Variants in EBF1 observed in about 807,000 individuals in gnomAD.
EBF1 encodes transcription factor COE1.
EBF1 carries 10 observed loss-of-function variants against 68.4 expected under a neutral mutation model. The ratio of observed to expected loss-of-function variants is 0.15; its 90% confidence interval spans 0.09 to 0.25. The LOEUF (loss-of-function observed/expected upper bound fraction) is 0.25, where lower values mean the gene tolerates loss of function less well. Among genes scored for constraint, EBF1 ranks in the 10% least tolerant of loss-of-function variants. EBF1 has a pLI of 1.00. For synonymous variants in EBF1, 298 were observed against 299.8 expected (o/e 0.99, Z 0.06); for missense variants, 509 against 794.4 (o/e 0.64, Z 4.32).
At chr5:158,761,695 G>C (rs1166781052) in intron 10 of EBF1, among the ~76,000 whole-genome samples, 1 of 152,160 alleles carries the variant, frequency 6.6e-6, no homozygotes, top group Non-Finnish European at 1.5e-5. Flanking sequence ...TTAAGCTAGA[G>C]ATTTCATTAA....
intron 6 of EBF1, among the ~76,000 whole-genome samples, chr5:159,053,607 A>T (rs7705707): frequency 0.36 from 50,759 of 139,364 alleles, 8,581 homozygotes; most frequent in Non-Finnish European, 0.41. Context: ...TCTCTCTCTC[A>T]CACACACACA....
intron 6 of EBF1, among the ~76,000 whole-genome samples, chr5:159,051,439 C>G (rs990453081): frequency 7.4e-6 from 1 of 134,780 alleles, no homozygotes; most frequent in African/African-American, 2.7e-5. Flanking sequence ...AGCCCCCCAC[C>G]CCCCCACCCC....
chr5:158,918,982 G>GCCAACCCTT (rs1438331875), intron 6 of EBF1, among the ~76,000 whole-genome samples: 1 of 152,206 alleles, frequency 6.6e-6, no homozygotes, highest in East Asian at 1.9e-4. Flanking sequence ...TATCCATGAA[G>GCCAACCCTT]CCAACCCTTC....
intron 8 of EBF1, among the ~76,000 whole-genome samples, chr5:158,819,506 T>C (rs1381518241): frequency 6.6e-6 from 1 of 152,144 alleles, no homozygotes; most frequent in Non-Finnish European, 1.5e-5. Flanking sequence ...AAACACAACC[T>C]GGAACTCAGG....
intron 2 of EBF1, among the ~76,000 whole-genome samples, 173 bp downstream of exon 2, chr5:159,096,801 G>T (rs1335306159): frequency 6.6e-6 from 1 of 152,210 alleles, no homozygotes; most frequent in African/African-American, 2.4e-5. Context: ...TGGAGAAGGA[G>T]CCAGTGGACC....
At chr5:158,992,093 T>C (rs1050917166) in intron 6 of EBF1, among the ~76,000 whole-genome samples, 6 of 152,118 alleles carry the variant, frequency 3.9e-5, no homozygotes, top group Non-Finnish European at 8.8e-5. Context: ...AAAAATCTTT[T>C]TGTTAATGGT....
At position 158,696,573 on chromosome 5, in the gene EBF1, T is replaced by C; in HGVS notation, c.*2538A>G. On this transcript the variant is annotated 3_prime_UTR_variant, in exon 16 of 16. Coordinates refer to ENST00000313708, the MANE Select transcript of EBF1 (RefSeq NM_024007.5). Reference sequence around the variant, plus strand: ...TTCAGGCCAGCGCTTACCACGCAAATTCAGATAACCTTTCTGAGTACCGAG... The same window carrying C: ...TTCAGGCCAGCGCTTACCACGCAAACTCAGATAACCTTTCTGAGTACCGAG... The C allele has an allele frequency of 4.5e-6, 1 of 223,334 alleles. No homozygotes were observed. The highest frequency in any genetic ancestry group is 9.0e-6 in the Non-Finnish European group (1 of 111,660). 13.8% of individuals were successfully genotyped at this position (223,334 alleles called of 1,614,324 possible).
chr5:158,886,101 G>C (rs1799984168), intron 6 of EBF1, among the ~76,000 whole-genome samples: 1 of 152,168 alleles, frequency 6.6e-6, no homozygotes, highest in African/African-American at 2.4e-5. Flanking sequence ...CTAATCCTTA[G>C]AGGAATCCAT....
chr5:159,039,969 G>A (rs562549426), intron 6 of EBF1, among the ~76,000 whole-genome samples: 18 of 152,258 alleles, frequency 1.2e-4, no homozygotes, highest in East Asian at 3.9e-4. Flanking sequence ...AATTTTATGC[G>A]TAAAATTGTT....
intron 8 of EBF1, among the ~76,000 whole-genome samples, chr5:158,806,440 G>A (rs1781611992): frequency 6.6e-6 from 1 of 152,088 alleles, no homozygotes. Context: ...CCCTCCAGCA[G>A]TCTAGCAGGA....
intron 6 of EBF1, among the ~76,000 whole-genome samples, chr5:158,953,799 G>A (rs764475991): frequency 6.6e-6 from 1 of 152,160 alleles, no homozygotes; most frequent in Non-Finnish European, 1.5e-5. Flanking sequence ...AGTATAGCCT[G>A]TGACTTGACT....
At chr5:158,737,110 G>A (rs892920039) in intron 10 of EBF1, among the ~76,000 whole-genome samples, 6 of 152,000 alleles carry the variant, frequency 3.9e-5, no homozygotes, top group African/African-American at 1.4e-4. Flanking sequence ...CTCGGAGAGA[G>A]CGAGGCTCAG....
intron 7 of EBF1, among the ~76,000 whole-genome samples, chr5:158,831,694 G>GT (rs1787611173): frequency 6.6e-6 from 1 of 152,144 alleles, no homozygotes. Flanking sequence ...AAGAAATGGG[G>GT]TTTCGCCATG....
At chr5:158,859,959 A>G (rs1794694614) in intron 6 of EBF1, among the ~76,000 whole-genome samples, 1 of 152,212 alleles carries the variant, frequency 6.6e-6, no homozygotes, top group Non-Finnish European at 1.5e-5. Flanking sequence ...TTTCCTCCAC[A>G]ATGTTTAGTA....
intron 5 of EBF1, among the ~76,000 whole-genome samples, chr5:159,079,863 C>A (rs1403057905): frequency 6.6e-6 from 1 of 152,082 alleles, no homozygotes; most frequent in African/African-American, 2.4e-5. Flanking sequence ...GATCTGCCCA[C>A]CTCGGCCTCC....
At chr5:159,014,967 A>G (rs1056318739) in intron 6 of EBF1, among the ~76,000 whole-genome samples, 8 of 152,184 alleles carry the variant, frequency 5.3e-5, no homozygotes, top group Non-Finnish European at 8.8e-5. Flanking sequence ...CCTCAGGTCT[A>G]GGCTGCTTAC....
At chr5:158,953,463 T>A (rs567989486) in intron 6 of EBF1, among the ~76,000 whole-genome samples, 1 of 152,306 alleles carries the variant, frequency 6.6e-6, no homozygotes, top group South Asian at 2.1e-4. Context: ...AGTTTGGGCC[T>A]CTTTCACAAA....
intron 10 of EBF1, among the ~76,000 whole-genome samples, chr5:158,748,855 G>A (rs1221213896): frequency 3.3e-5 from 5 of 152,176 alleles, no homozygotes; most frequent in Non-Finnish European, 4.4e-5. Context: ...GAGGAGGCTT[G>A]TAAATAGAGC....
intron 15 of EBF1, among the ~76,000 whole-genome samples, chr5:158,699,758 T>C (rs1191582181): frequency 6.6e-6 from 1 of 152,178 alleles, no homozygotes; most frequent in Non-Finnish European, 1.5e-5. Flanking sequence ...TGCATGAAAC[T>C]GCAGAATGTC....
Sources: gnomAD v4.1 joint callset for allele counts (sites outside exome capture counted in the v4.1 genomes callset) on GRCh38, gnomAD v4.1.1 for gene constraint, MANE v1.5 for transcripts, NCBI Gene and HGNC (gene_info 2026-07-23, HGNC 2026-07-21) for gene names.